LAMB4: variants seen among roughly 807,000 people sequenced by gnomAD.
The protein encoded by LAMB4 is laminin subunit beta-4.
Under a neutral mutation model 199.2 loss-of-function variants are expected in LAMB4, and 196 were observed. The observed-to-expected ratio is 0.98, with a 90% confidence interval of 0.88 to 1.11. The LOEUF (loss-of-function observed/expected upper bound fraction) is 1.11, where lower values mean the gene tolerates loss of function less well. Among genes scored for constraint, LAMB4 ranks in the 50% least tolerant of loss-of-function variants. The pLI is 0.00. For synonymous variants in LAMB4, 744 were observed against 770.6 expected (o/e 0.97, Z 0.57); for missense variants, 2,080 against 2,171.2 (o/e 0.96, Z 0.83).
chr7:108,025,598 T>A (rs528924592), intron 33 of LAMB4, among the ~76,000 whole-genome samples: 3 of 152,006 alleles, frequency 2.0e-5, no homozygotes, highest in Non-Finnish European at 4.4e-5. Context: ...CTGGCTAATT[T>A]TGTACTTTTA....
At chr7:108,066,338 C>G (rs1389500784) in intron 20 of LAMB4, 31 bp downstream of exon 20, 16 of 1,530,160 alleles carry the variant, frequency 1.0e-5, no homozygotes. Flanking sequence ...TGTTAAAGAC[C>G]TAAAAATTAA....
At chr7:108,091,513 G>C (rs2037400311) in intron 14 of LAMB4, 113 bp downstream of exon 14, 1 of 1,213,892 alleles carries the variant, frequency 8.2e-7, no homozygotes, top group African/African-American at 1.5e-5. Context: ...CTGCATCTTT[G>C]GGCAAAAGCA....
intron 33 of LAMB4, among the ~76,000 whole-genome samples, chr7:108,025,389 TTTTCTTTCTTTC>T (rs60438956): frequency 9.9e-5 from 9 of 91,186 alleles, no homozygotes; most frequent in Admixed American, 2.0e-4. Context: ...TTTTCTTTTC[TTTTCTTTCTTTC>T]TTTCTTTCTT....
chr7:108,128,980 G>A (rs922188443), intron 1 of LAMB4, among the ~76,000 whole-genome samples: 2 of 152,200 alleles, frequency 1.3e-5, no homozygotes, highest in African/African-American at 2.4e-5. Context: ...AATGCTGCTA[G>A]ATGACACTGG....
chr7:108,039,765 G>A (rs531946529), intron 29 of LAMB4, among the ~76,000 whole-genome samples: 9 of 152,206 alleles, frequency 5.9e-5, no homozygotes, highest in Non-Finnish European at 1.0e-4. Flanking sequence ...CTCCATGCCC[G>A]GCCAGAAACA....
chr7:108,024,755 G>GTCCA (rs1488061138), intron 33 of LAMB4, among the ~76,000 whole-genome samples: 2 of 142,978 alleles, frequency 1.4e-5, no homozygotes, highest in East Asian at 3.9e-4. Context: ...CCGTCCATCC[G>GTCCA]TCCATCCATC....
At chr7:108,093,752 G>A (rs2037496180) in intron 12 of LAMB4, among the ~76,000 whole-genome samples, 1 of 152,140 alleles carries the variant, frequency 6.6e-6, no homozygotes, top group Non-Finnish European at 1.5e-5. Context: ...ATTTTAGTAG[G>A]TATGAAATTC....
At chr7:108,084,379 C>T (rs1010975231) in intron 14 of LAMB4, among the ~76,000 whole-genome samples, 1 of 152,234 alleles carries the variant, frequency 6.6e-6, no homozygotes, top group East Asian at 1.9e-4. Context: ...GGAGCACCCC[C>T]AACCCCCTAA....
intron 1 of LAMB4, among the ~76,000 whole-genome samples, chr7:108,127,575 A>C (rs2038838124): frequency 6.6e-6 from 1 of 152,084 alleles, no homozygotes; most frequent in Non-Finnish European, 1.5e-5. Context: ...GAACCAGGCA[A>C]ACTTACATGG....
the LAMB4 span, among the ~76,000 whole-genome samples, chr7:108,013,430 T>A: frequency 6.6e-6 from 1 of 152,174 alleles, no homozygotes; most frequent in Non-Finnish European, 1.5e-5. Flanking sequence ...AAGTGGGCGG[T>A]TTGCTATGAT....
intron 28 of LAMB4, among the ~76,000 whole-genome samples, chr7:108,046,849 G>A (rs1367686266): frequency 6.6e-6 from 1 of 151,840 alleles, no homozygotes; most frequent in East Asian, 1.9e-4. Flanking sequence ...ATGAATTTAT[G>A]AAAAATTATT....
chr7:108,079,782 G>T lies in LAMB4; in HGVS notation c.1706C>A (p.Ser569Ter). Residue 569 changes from serine (S) to a stop codon, truncating the protein, a stop_gained, in exon 15 of 34, where the codon TCG (serine) becomes TAG (stop). Transcript: ENST00000388781. LOFTEE classifies it high-confidence loss of function. ...AGCAGGACTCTGGCCAAACGTCTCC[G>T]AGCCCTAAAATGGGAGAGGAATGTA... Reference protein sequence around the residue: ...TTLQGLAPLGSETFGQSPAVH... With the variant: ...TTLQGLAPLG 6.3e-7 allele frequency: 1 copy of T among 1,575,148 alleles called. No individual in the cohort carries two copies. Among genetic ancestry groups the T allele is most frequent in the Non-Finnish European group, 8.6e-7 (1 of 1,163,290 alleles).
chr7:108,122,702 C>T (rs2038643345), intron 2 of LAMB4, among the ~76,000 whole-genome samples: 1 of 152,304 alleles, frequency 6.6e-6, no homozygotes, highest in Non-Finnish European at 1.5e-5. Flanking sequence ...TTATTAAAGA[C>T]AGCAGGAGCA....
the LAMB4 span, among the ~76,000 whole-genome samples, chr7:108,016,549 G>T: frequency 6.6e-6 from 1 of 152,208 alleles, no homozygotes; most frequent in African/African-American, 2.4e-5. Context: ...CTCCCAAAGT[G>T]CTAGGACCAC....
At chr7:108,098,284 G>A (rs1162312069) in intron 11 of LAMB4, 119 bp downstream of exon 11, 2 of 511,330 alleles carry the variant, frequency 3.9e-6, no homozygotes, top group Non-Finnish European at 5.6e-6. Flanking sequence ...AGTGAGCCGA[G>A]ATTTTGCCAC....
At chr7:108,079,496 A>T in intron 15 of LAMB4, 105 bp downstream of exon 15, 2 of 1,006,926 alleles carry the variant, frequency 2.0e-6, no homozygotes, top group South Asian at 3.7e-5. Context: ...CACTTTTTAC[A>T]AATCCTTTTC....
At chr7:108,040,940 A>G (rs1246917915) in intron 29 of LAMB4, among the ~76,000 whole-genome samples, 1 of 152,226 alleles carries the variant, frequency 6.6e-6, no homozygotes, top group African/African-American at 2.4e-5. Context: ...CTGCTCAGCA[A>G]AAGAAACTAT....
At chr7:108,113,835 A>G (rs958208771) in intron 3 of LAMB4, among the ~76,000 whole-genome samples, 1 of 152,186 alleles carries the variant, frequency 6.6e-6, no homozygotes, top group African/African-American at 2.4e-5. Context: ...GCTCTTTCTT[A>G]GATAACAGAT....
intron 14 of LAMB4, among the ~76,000 whole-genome samples, chr7:108,081,429 A>T (rs896980764): frequency 6.6e-6 from 1 of 152,210 alleles, no homozygotes; most frequent in African/African-American, 2.4e-5. Context: ...GGTTTGTTTT[A>T]CCTGAGACCA....
Sources: allele counts gnomAD v4.1 joint callset (sites outside exome capture counted in the v4.1 genomes callset), GRCh38; gene constraint gnomAD v4.1.1; transcripts MANE v1.5; gene names NCBI Gene and HGNC (gene_info 2026-07-23, HGNC 2026-07-21).